ADD2: variants seen among roughly 807,000 people sequenced by gnomAD.
The protein encoded by ADD2 is beta-adducin.
ADD2 carries 23 observed loss-of-function variants against 83.0 expected under a neutral mutation model. The ratio of observed to expected loss-of-function variants is 0.28; its 90% CI spans 0.20 to 0.39. The LOEUF (loss-of-function observed/expected upper bound fraction) is 0.39. Among genes scored for constraint, ADD2 ranks in the 10% least tolerant of loss-of-function variants. ADD2 has a pLI of 1.00. For missense variants in ADD2, 758 were observed against 944.9 expected (o/e 0.80, Z 2.59); for synonymous variants, 375 against 375.4 (o/e 1.00, Z 0.01).
At chr2:70,736,332 G>A (rs569775285) in intron 1 of ADD2, among the ~76,000 whole-genome samples, 1 of 152,314 alleles carries the variant, frequency 6.6e-6, no homozygotes, top group Non-Finnish European at 1.5e-5. Flanking sequence ...GTGTTAAAAT[G>A]TCATCAGCAT....
At chr2:70,740,464 T>G (rs1293565291) in intron 1 of ADD2, among the ~76,000 whole-genome samples, 1 of 152,166 alleles carries the variant, frequency 6.6e-6, no homozygotes, top group African/African-American at 2.4e-5. Flanking sequence ...TAGATTTGGG[T>G]GGCAAAAATT....
intron 1 of ADD2, among the ~76,000 whole-genome samples, chr2:70,728,103 C>G (rs1574295734): frequency 6.6e-6 from 1 of 152,218 alleles, no homozygotes; most frequent in South Asian, 2.1e-4. Context: ...CTGCTGTGCT[C>G]CGCATTCTCC....
intron 1 of ADD2, among the ~76,000 whole-genome samples, chr2:70,713,432 G>A (rs1574277734): frequency 6.6e-6 from 1 of 152,292 alleles, no homozygotes; most frequent in East Asian, 1.9e-4. Context: ...CCAATATGGT[G>A]AAACCCCATC....
intron 1 of ADD2, among the ~76,000 whole-genome samples, chr2:70,753,320 C>G (rs1365420478): frequency 6.6e-6 from 1 of 152,012 alleles, no homozygotes; most frequent in African/African-American, 2.4e-5. Flanking sequence ...AGAATAGCCT[C>G]AGTGCCATAA....
chr2:70,664,658 G>C (rs1675684283), intron 15 of ADD2, among the ~76,000 whole-genome samples: 1 of 152,224 alleles, frequency 6.6e-6, no homozygotes, highest in African/African-American at 2.4e-5. Flanking sequence ...TTCCGGTTCA[G>C]CTTCTTCTCA....
chr2:70,706,547 G>C lies in ADD2; in HGVS notation c.-34-105C>G, dbSNP rs781893537. 2 of 1,074,478 alleles carry C rather than the reference G, an allele frequency of 1.9e-6. No individual in the cohort carries two copies. The highest frequency in any genetic ancestry group is 2.6e-6 in the Non-Finnish European group (2 of 768,368). 66.6% of individuals were successfully genotyped at this position (1,074,478 alleles called of 1,614,324 possible). A position where few individuals can be genotyped will look rare whatever the true frequency, so the allele number is the denominator to read the frequency against. Reference sequence around the variant, plus strand: ...TTCAGTTGGATTCTCAGTGGGGTACGGCTGTTCCTAGGATGGTAGAGGCAG... The same window carrying C: ...TTCAGTTGGATTCTCAGTGGGGTACCGCTGTTCCTAGGATGGTAGAGGCAG... On this transcript the variant is annotated intron_variant, in intron 2 of 15. Transcript: ENST00000264436. This position sits in a 1 kb window ranked among gnomAD's most constrained non-coding sequence, Gnocchi z 5.0.
At chr2:70,727,442 T>C (rs373393988) in intron 1 of ADD2, among the ~76,000 whole-genome samples, 1 of 152,088 alleles carries the variant, frequency 6.6e-6, no homozygotes, top group Admixed American at 6.5e-5. Flanking sequence ...CATTCACCAC[T>C]AAACTGCCTT....
intron 1 of ADD2, among the ~76,000 whole-genome samples, chr2:70,743,577 T>C (rs1553381468): frequency 2.6e-5 from 4 of 152,200 alleles, no homozygotes; most frequent in African/African-American, 9.7e-5. Flanking sequence ...TCAACAAGTG[T>C]GTAACATTTC....
intron 15 of ADD2, among the ~76,000 whole-genome samples, chr2:70,664,440 C>A (rs1327140809): frequency 6.6e-6 from 1 of 152,208 alleles, no homozygotes; most frequent in Non-Finnish European, 1.5e-5. Flanking sequence ...CCTCCTGCCA[C>A]CCTTTCTCCC....
intron 8 of ADD2, 128 bp from the exon 9 acceptor site, chr2:70,688,250 T>C: frequency 1.5e-6 from 1 of 660,628 alleles, no homozygotes; most frequent in Non-Finnish European, 2.6e-6. Context: ...CAACTCCTTA[T>C]GTTCTCTAAT....
At chr2:70,696,932 G>A (rs1291314727) in intron 4 of ADD2, among the ~76,000 whole-genome samples, 5 of 152,080 alleles carry the variant, frequency 3.3e-5, no homozygotes, top group Non-Finnish European at 7.4e-5. Flanking sequence ...AGGTCGAGGC[G>A]GGCGGATCAC....
At chr2:70,765,005 C>T (rs1675306614) in intron 1 of ADD2, among the ~76,000 whole-genome samples, 2 of 151,926 alleles carry the variant, frequency 1.3e-5, no homozygotes, top group African/African-American at 4.9e-5. Context: ...TGATCGAAGG[C>T]ATCATTTCAA....
chr2:70,759,150 A>G (rs1674952983), intron 1 of ADD2, among the ~76,000 whole-genome samples: 1 of 152,178 alleles, frequency 6.6e-6, no homozygotes, highest in Non-Finnish European at 1.5e-5. Flanking sequence ...AAAAAGGCAC[A>G]GAGAAAACCA....
intron 1 of ADD2, among the ~76,000 whole-genome samples, chr2:70,739,072 G>A (rs1436945567): frequency 6.6e-6 from 1 of 152,184 alleles, no homozygotes; most frequent in African/African-American, 2.4e-5. Flanking sequence ...CTTCTGCACA[G>A]CCAAAGAAAC....
At chr2:70,678,647 A>C (rs1574230321) in intron 11 of ADD2, 57 bp downstream of exon 11, 1 of 1,505,590 alleles carries the variant, frequency 6.6e-7, no homozygotes, top group Non-Finnish European at 8.9e-7. Context: ...AAAATGCTTC[A>C]CCCTGCTAAT....
chr2:70,730,333 G>C (rs1553379030), intron 1 of ADD2, among the ~76,000 whole-genome samples: 1 of 152,178 alleles, frequency 6.6e-6, no homozygotes, highest in African/African-American at 2.4e-5. Context: ...TCTTCAAAAG[G>C]CAGACCCCCT....
At chr2:70,749,675 T>C (rs910235634) in intron 1 of ADD2, among the ~76,000 whole-genome samples, 18 of 152,218 alleles carry the variant, frequency 1.2e-4, no homozygotes, top group African/African-American at 4.1e-4. Flanking sequence ...CTGATGGAAA[T>C]ACTATCCTTT....
At position 70,676,598 on chromosome 2, in the gene ADD2, G is replaced by A; in HGVS notation, c.1593+198C>T. 2 of 1,438,166 alleles carry A rather than the reference G, an allele frequency of 1.4e-6. No homozygotes were observed. The highest frequency in any genetic ancestry group is 1.5e-5 in the South Asian group (1 of 65,480). The allele number at this position is 1,438,166 out of a possible 1,614,324, so 89.1% of individuals were successfully genotyped here. A position where few individuals can be genotyped will look rare whatever the true frequency, so the allele number is the denominator to read the frequency against. Reference sequence around the variant, plus strand: ...GTTCTCCAGCCCAGTGCCCACAGGGGCCATCAGACATTGTCCTCCCTGGTC... The same window carrying A: ...GTTCTCCAGCCCAGTGCCCACAGGGACCATCAGACATTGTCCTCCCTGGTC... On this transcript the variant is annotated intron_variant, in intron 13 of 15. Coordinates refer to ENST00000264436, the MANE Select transcript of ADD2 (RefSeq NM_001617.4). The surrounding 1 kb of genome is among the most constrained non-coding windows in gnomAD (Gnocchi z 4.8).
chr2:70,725,950 G>A (rs1553378152), intron 1 of ADD2, among the ~76,000 whole-genome samples: 1 of 151,974 alleles, frequency 6.6e-6, no homozygotes, highest in Non-Finnish European at 1.5e-5. Context: ...TGTCTTGGGA[G>A]GCCAAGGCGG....
Sources: allele counts gnomAD v4.1 joint callset (sites outside exome capture counted in the v4.1 genomes callset), GRCh38; gene constraint gnomAD v4.1.1; non-coding constraint Gnocchi (gnomAD v3.1); transcripts MANE v1.5; gene names NCBI Gene and HGNC (gene_info 2026-07-23, HGNC 2026-07-21).